The following NXPE2 variants were observed in gnomAD, a reference collection of about 807,000 sequenced individuals.
NXPE2 encodes the protein neurexophilin and PC-esterase domain family member 2.
In NXPE2, 34 loss-of-function variants were observed where a neutral mutation model predicts 34.4. The observed-to-expected ratio is 0.99, with a 90% CI of 0.75 to 1.31. The LOEUF is 1.31. Among genes scored for constraint, NXPE2 ranks in the 40% most tolerant of loss-of-function variants. The probability of loss-of-function intolerance (pLI) is 0.00; values close to 1 mark genes in which losing one functional copy is unlikely to be tolerated. For synonymous variants in NXPE2, 235 were observed against 231.3 expected (o/e 1.02, Z -0.15); for missense variants, 649 against 672.5 (o/e 0.97, Z 0.39).
At chr11:114,791,983 G>A in the NXPE2 span, among the ~76,000 whole-genome samples, 433 of 152,272 alleles carry the variant, frequency 2.8e-3, 8 homozygotes, top group Admixed American at 0.024. Context: ...TCATGAACCC[G>A]GGAGGCGGAG....
chr11:114,485,370 G>A, the NXPE2 span, among the ~76,000 whole-genome samples: 8 of 141,962 alleles, frequency 5.6e-5, no homozygotes, highest in Non-Finnish European at 1.5e-5. Flanking sequence ...CATCACGCCT[G>A]GCTAATTTTT....
At chr11:114,776,801 C>T in the NXPE2 span, among the ~76,000 whole-genome samples, 1 of 152,056 alleles carries the variant, frequency 6.6e-6, no homozygotes, top group Non-Finnish European at 1.5e-5. Context: ...GACACCCTAC[C>T]CCAGAGATTC....
chr11:114,631,948 A>G, the NXPE2 span, among the ~76,000 whole-genome samples: 2 of 150,806 alleles, frequency 1.3e-5, no homozygotes, highest in Non-Finnish European at 3.0e-5. Context: ...ATTGCCTTGT[A>G]GGTAACTACT....
At chr11:114,658,363 G>A in the NXPE2 span, among the ~76,000 whole-genome samples, 9 of 152,236 alleles carry the variant, frequency 5.9e-5, no homozygotes, top group South Asian at 2.1e-4. Flanking sequence ...TAGAATTTCC[G>A]GGAGCACAGA....
the NXPE2 span, among the ~76,000 whole-genome samples, chr11:114,728,955 T>G: frequency 3.3e-5 from 5 of 152,102 alleles, no homozygotes; most frequent in East Asian, 9.6e-4. Context: ...ATTCAGGGGG[T>G]ATATGTACAG....
the NXPE2 span, among the ~76,000 whole-genome samples, chr11:114,738,103 G>C: frequency 2.0e-5 from 3 of 151,986 alleles, no homozygotes; most frequent in Non-Finnish European, 4.4e-5. Context: ...AAACCAATGA[G>C]ACTGGAGAAC....
At chr11:114,516,442 T>G in the NXPE2 span, among the ~76,000 whole-genome samples, 1 of 152,172 alleles carries the variant, frequency 6.6e-6, no homozygotes, top group Non-Finnish European at 1.5e-5. Flanking sequence ...GTATCAAATC[T>G]TTCCCAATTA....
At chr11:114,704,095 C>G (rs775598970) in intron 4 of NXPE2, 43 bp downstream of exon 4, 59 of 1,373,194 alleles carry the variant, frequency 4.3e-5, no homozygotes, top group Non-Finnish European at 5.8e-5. Context: ...ACAATTTATC[C>G]ACGGAAAGGA....
chr11:114,536,668 A>T, the NXPE2 span, among the ~76,000 whole-genome samples: 1 of 152,242 alleles, frequency 6.6e-6, no homozygotes, highest in Non-Finnish European at 1.5e-5. Flanking sequence ...ATGCAAATAA[A>T]CTAGAAAATC....
At chr11:114,552,749 T>C in the NXPE2 span, 2,925 of 309,490 alleles carry the variant, frequency 9.5e-3, 71 homozygotes, top group African/African-American at 0.059. Context: ...TTCAGCAGCA[T>C]TGAAAAAAAA....
the NXPE2 span, among the ~76,000 whole-genome samples, chr11:114,614,169 C>T: frequency 6.7e-6 from 1 of 150,064 alleles, no homozygotes; most frequent in Non-Finnish European, 1.5e-5. Context: ...CCAACTCTTA[C>T]CCTGTAATAA....
chr11:114,530,388 C>T, the NXPE2 span: 2 of 1,614,172 alleles, frequency 1.2e-6, no homozygotes. Flanking sequence ...AACAAATTTG[C>T]CTTTGAAAAT....
At chr11:114,638,692 G>T in the NXPE2 span, among the ~76,000 whole-genome samples, 1 of 152,070 alleles carries the variant, frequency 6.6e-6, no homozygotes, top group South Asian at 2.1e-4. Context: ...AGACAGGACC[G>T]TCAGCTGCAG....
the NXPE2 span, among the ~76,000 whole-genome samples, chr11:114,720,550 G>T: frequency 6.6e-5 from 10 of 152,166 alleles, no homozygotes; most frequent in Non-Finnish European, 1.2e-4. Context: ...GCCATGTGTG[G>T]CTGCTAAACA....
At chr11:114,560,153 A>C in the NXPE2 span, among the ~76,000 whole-genome samples, 1 of 152,002 alleles carries the variant, frequency 6.6e-6, no homozygotes, top group East Asian at 1.9e-4. Flanking sequence ...ACCCCAAGTG[A>C]CTCTATGGAT....
chr11:114,479,081 A>G, the NXPE2 span, among the ~76,000 whole-genome samples: 2 of 152,162 alleles, frequency 1.3e-5, no homozygotes, highest in Admixed American at 6.5e-5. Context: ...GCAAACCTTA[A>G]TAAAGATTTA....
chr11:114,574,850 A>G, the NXPE2 span, among the ~76,000 whole-genome samples: 15 of 152,272 alleles, frequency 9.9e-5, no homozygotes, highest in East Asian at 2.9e-3. Context: ...TAAAGCCAGT[A>G]TCATCCTAAT....
At chr11:114,748,141 G>C in the NXPE2 span, among the ~76,000 whole-genome samples, 1 of 152,146 alleles carries the variant, frequency 6.6e-6, no homozygotes, top group Non-Finnish European at 1.5e-5. Context: ...ACTTACAAAT[G>C]TTTTTTCATT....
At chr11:114,522,811 T>C in the NXPE2 span, 1 of 1,127,382 alleles carries the variant, frequency 8.9e-7, no homozygotes, top group Non-Finnish European at 1.3e-6. Flanking sequence ...AACGAGAGAA[T>C]AGAGACCTCA....
Sources: allele counts gnomAD v4.1 joint callset (sites outside exome capture counted in the v4.1 genomes callset), GRCh38; gene constraint gnomAD v4.1.1; transcripts MANE v1.5; gene names NCBI Gene and HGNC (gene_info 2026-07-23, HGNC 2026-07-21).